BNIP1: variants seen among roughly 807,000 people sequenced by gnomAD.
BNIP1 encodes the protein vesicle transport protein SEC20.
Under a neutral mutation model 28.5 loss-of-function variants are expected in BNIP1, and 25 were observed. The observed-to-expected ratio is 0.88, with a 90% CI of 0.64 to 1.23. The LOEUF is 1.23. BNIP1 is among the 50% of genes most tolerant of loss of function. The pLI is 0.00. For synonymous variants in BNIP1, 118 were observed against 101.7 expected (o/e 1.16, Z -0.96); for missense variants, 276 against 277.0 (o/e 1.00, Z 0.02).
intron 5 of BNIP1, chr5:173,161,054 C>T (rs1414369851): frequency 6.1e-6 from 2 of 330,292 alleles, no homozygotes; most frequent in Non-Finnish European, 1.2e-5. Flanking sequence ...ATCCCCTGAG[C>T]CCTGAGTCCA....
At chr5:173,161,459 T>C (rs1278351996) in intron 5 of BNIP1, 1 of 152,264 alleles carries the variant, frequency 6.6e-6, no homozygotes, top group Non-Finnish European at 1.5e-5. Context: ...CCAGGGCTTT[T>C]ATGCTCTGGT....
At chr5:173,159,630 C>T (rs989405251) in intron 4 of BNIP1, among the ~76,000 whole-genome samples, 1 of 152,036 alleles carries the variant, frequency 6.6e-6, no homozygotes, top group African/African-American at 2.4e-5. Context: ...AGGCTTTATC[C>T]ACATTTTGGA....
At chr5:173,159,477 TAAAA>T (rs10546608) in intron 4 of BNIP1, among the ~76,000 whole-genome samples, 12 of 145,518 alleles carry the variant, frequency 8.2e-5, no homozygotes, top group Non-Finnish European at 1.2e-4. Flanking sequence ...AGTTGTTCAT[TAAAA>T]AAAAAAAAAA....
intron 4 of BNIP1, among the ~76,000 whole-genome samples, chr5:173,159,052 T>C (rs936730054): frequency 2.0e-5 from 3 of 151,936 alleles, no homozygotes; most frequent in Non-Finnish European, 4.4e-5. Context: ...TTTTTTTTTT[T>C]CTGAGATGAA....
chr5:173,163,492 C>T (rs549171633), intron 5 of BNIP1, among the ~76,000 whole-genome samples: 25 of 152,250 alleles, frequency 1.6e-4, no homozygotes, highest in African/African-American at 5.1e-4. Context: ...TCCCTGGTGA[C>T]GCTCATGTTC....
chr5:173,148,344 C>A (rs1431449675), intron 2 of BNIP1, among the ~76,000 whole-genome samples: 1 of 151,560 alleles, frequency 6.6e-6, no homozygotes, highest in Admixed American at 6.6e-5. Context: ...ATGAAGACCA[C>A]TTGTGGGTCT....
chr5:173,150,896 T>A (rs2113843411), intron 2 of BNIP1, among the ~76,000 whole-genome samples: 1 of 152,136 alleles, frequency 6.6e-6, no homozygotes, highest in South Asian at 2.1e-4. Flanking sequence ...GGAGTGCAGG[T>A]GTGATCTCTG....
At chr5:173,154,734 G>T (rs1482742367) in intron 3 of BNIP1, among the ~76,000 whole-genome samples, 1 of 152,116 alleles carries the variant, frequency 6.6e-6, no homozygotes, top group Non-Finnish European at 1.5e-5. Flanking sequence ...TGTTGGCCAG[G>T]CTGGTCTCTA....
At chr5:173,160,107 T>A in intron 5 of BNIP1, 56 bp downstream of exon 5, 1 of 1,507,384 alleles carries the variant, frequency 6.6e-7, no homozygotes, top group Non-Finnish European at 9.1e-7. Flanking sequence ...CTAGGGCCCT[T>A]GCCCTGGCAC....
intron 4 of BNIP1, among the ~76,000 whole-genome samples, chr5:173,159,363 T>C (rs1202925421): frequency 1.3e-5 from 2 of 152,150 alleles, no homozygotes; most frequent in African/African-American, 4.8e-5. Flanking sequence ...TTATTACTCA[T>C]GAACATTTTG....
intron 4 of BNIP1, 149 bp downstream of exon 4, chr5:173,158,994 G>T: frequency 1.8e-6 from 1 of 564,546 alleles, no homozygotes. Context: ...CTTATTTGTA[G>T]TAAATTGGTA....
In BNIP1 at chr5:173,163,515, A is replaced by C. The variant is rs5745174; in HGVS notation, c.491-210A>C. Reference sequence around the variant, plus strand: ...GACGCTCATGTTCAAGGACTCCCAGACAAACCCCCCCTCACTCTCTGGAGC... The same window carrying C: ...GACGCTCATGTTCAAGGACTCCCAGCCAAACCCCCCCTCACTCTCTGGAGC... On this transcript the variant is annotated intron_variant, in intron 5 of 5. Transcript: ENST00000351486. 4.3e-3 allele frequency among the ~76,000 whole-genome samples: 657 copies of C among 152,270 alleles called. 4 individuals carry two copies. The highest frequency in any genetic ancestry group is 0.015 in the African/African-American group (604 of 41,534).
At chr5:173,158,183 G>A (rs1334732539) in intron 3 of BNIP1, among the ~76,000 whole-genome samples, 2 of 151,550 alleles carry the variant, frequency 1.3e-5, no homozygotes, top group African/African-American at 4.8e-5. Flanking sequence ...CCCCCACCTC[G>A]GCCTCCTAAA....
rs566835922 is a variant in BNIP1, at chr5:173,156,570, A to G, written c.269+2157A>G. 3.3e-5 allele frequency among the ~76,000 whole-genome samples: 5 copies of G among 150,598 alleles called. No homozygotes were observed. In the South Asian group the frequency reaches 8.4e-4, roughly 25 times the overall value. ...AAGGCAGGAGGGCAGTGGGCTCGGG[A>G]GGTCAAGGCTGCAGTGAGCCGTGAT... On this transcript the variant is annotated intron_variant, in intron 3 of 5. Transcript: ENST00000351486.
At position 173,164,115 on chromosome 5, in the gene BNIP1, G is replaced by T; in HGVS notation, c.*194G>T. 1.9e-6 allele frequency: 1 copy of T among 513,196 alleles called. No homozygotes were observed. The highest frequency in any genetic ancestry group is 3.2e-6 in the Non-Finnish European group (1 of 308,024). 31.8% of individuals were successfully genotyped at this position (513,196 alleles called of 1,614,324 possible). A position where few individuals can be genotyped will look rare whatever the true frequency, so the allele number is the denominator to read the frequency against. The stretch of plus-strand genomic sequence containing the variant: ...AGGGTGAACAGAGCCATGGGAGGAA[G>T]GTCTGGCATTGGGATGCCGCCCTGG... On this transcript the variant is annotated 3_prime_UTR_variant, in exon 6 of 6. Coordinates refer to ENST00000351486, the MANE Select transcript of BNIP1 (RefSeq NM_001205.3). This position sits in a 1 kb window ranked among gnomAD's most constrained non-coding sequence, Gnocchi z 4.0.
chr5:173,159,799 G>A (rs1042279643), intron 4 of BNIP1, 134 bp from the exon 5 acceptor site: 24 of 794,952 alleles, frequency 3.0e-5, no homozygotes, highest in Admixed American at 4.5e-5. Context: ...ACCCTTTCCA[G>A]CATTGAATGT....
intron 3 of BNIP1, among the ~76,000 whole-genome samples, chr5:173,156,808 C>T (rs1241748107): frequency 1.3e-5 from 2 of 151,824 alleles, no homozygotes; most frequent in Non-Finnish European, 2.9e-5. Context: ...GCCACCACGC[C>T]TGGCTCATTT....
chr5:173,147,170 G>A (rs1236809974), intron 2 of BNIP1, among the ~76,000 whole-genome samples: 1 of 152,180 alleles, frequency 6.6e-6, no homozygotes, highest in Non-Finnish European at 1.5e-5. Context: ...ACTTTGGGAG[G>A]CCGAGGCGGG....
intron 5 of BNIP1, among the ~76,000 whole-genome samples, chr5:173,162,143 C>T (rs780648688): frequency 1.3e-5 from 2 of 151,908 alleles, no homozygotes; most frequent in Admixed American, 6.5e-5. Flanking sequence ...CAACAGCAGC[C>T]ACGTATGTAA....
Sources: gnomAD v4.1 joint callset for allele counts (sites outside exome capture counted in the v4.1 genomes callset) on GRCh38, gnomAD v4.1.1 for gene constraint, Gnocchi (gnomAD v3.1) non-coding constraint, MANE v1.5 for transcripts, NCBI Gene and HGNC (gene_info 2026-07-23, HGNC 2026-07-21) for gene names.